Variants in AHCY observed in about 807,000 individuals in gnomAD.
The protein encoded by AHCY is adenosylhomocysteinase, also known as S-adenosyl-L-homocysteine hydrolase.
A neutral mutation model predicts 45.4 loss-of-function variants in AHCY; 24 were observed. The ratio of observed to expected loss-of-function variants is 0.53; its 90% CI spans 0.38 to 0.74. AHCY has a LOEUF of 0.74. AHCY is among the 30% of genes least tolerant of loss of function. AHCY has a pLI of 0.00. For synonymous variants in AHCY, 245 were observed against 235.1 expected, an observed-to-expected ratio of 1.04 and a Z score of -0.39; for missense variants, 449 against 594.1, an observed-to-expected ratio of 0.76 and a Z score of 2.54.
chr20:34,258,674 CAT>C, the AHCY span, among the ~76,000 whole-genome samples: 3 of 12,142 alleles, frequency 2.5e-4, no homozygotes, highest in Non-Finnish European at 2.4e-4. Flanking sequence ...AGGGGGATGC[CAT>C]ATATATATAT....
chr20:34,240,484 G>A, the AHCY span, among the ~76,000 whole-genome samples: 22 of 152,152 alleles, frequency 1.4e-4, no homozygotes, highest in Admixed American at 6.5e-4. Context: ...GAACTGCAGC[G>A]TCATAGTTTT....
At chr20:34,253,006 C>T in the AHCY span, among the ~76,000 whole-genome samples, 1 of 152,202 alleles carries the variant, frequency 6.6e-6, no homozygotes, top group Non-Finnish European at 1.5e-5. Flanking sequence ...AGGTTAACAG[C>T]ATCTCAAAGC....
At chr20:34,259,836 A>G in the AHCY span, among the ~76,000 whole-genome samples, 237 of 152,224 alleles carry the variant, frequency 1.6e-3, 1 homozygote, top group Non-Finnish European at 2.9e-3. Flanking sequence ...GACACAAACT[A>G]TACCTGCATT....
intron 3 of AHCY, chr20:34,293,753 C>T (rs1325124280): frequency 2.5e-6 from 1 of 407,762 alleles, no homozygotes; most frequent in Non-Finnish European, 4.6e-6. Context: ...CTTTTTCTGC[C>T]CCGTAGCCCT....
At chr20:34,299,068 AT>A (rs2036682305) in intron 1 of AHCY, among the ~76,000 whole-genome samples, 1 of 152,084 alleles carries the variant, frequency 6.6e-6, no homozygotes, top group East Asian at 1.9e-4. Flanking sequence ...GTCTCCGCGC[AT>A]TGATGGTAGT....
the AHCY span, among the ~76,000 whole-genome samples, chr20:34,259,884 A>C: frequency 2.0e-5 from 3 of 152,130 alleles, no homozygotes; most frequent in African/African-American, 7.2e-5. Context: ...ATATGAGCCA[A>C]CATATATGCT....
chr20:34,257,040 TTTTC>T, the AHCY span, among the ~76,000 whole-genome samples: 2 of 151,294 alleles, frequency 1.3e-5, no homozygotes, highest in African/African-American at 2.4e-5. Context: ...CTTTCTTTCT[TTTTC>T]TTTCTTTCTC....
Position 34,281,062 on chromosome 20 carries a change from G to C in AHCY, c.1271C>G (p.Pro424Arg). The change falls in exon 10 of 10, where the codon CCC becomes CGC. Residue 424 changes from proline to arginine, a missense_variant. Physicochemically the swap from Pro to Arg is moderately radical, Grantham distance 103. Coordinates refer to ENST00000217426, the MANE Select transcript of AHCY (RefSeq NM_000687.4). ...GTAGCGGTAGTGATCCGGCTTGAAG[G>C]GGCCATCACAGGACATGCCCAGGTA... ...AQYLGMSCDG[P>R]FKPDHYRY The C allele has an allele frequency of 6.2e-7, 1 of 1,614,190 alleles. No homozygotes were observed. The highest frequency in any genetic ancestry group is 8.5e-7 in the Non-Finnish European group (1 of 1,180,032).
the AHCY span, among the ~76,000 whole-genome samples, chr20:34,257,083 G>GT: frequency 4.9e-5 from 4 of 81,674 alleles, no homozygotes; most frequent in Admixed American, 3.6e-4. Context: ...TTTTTTTTTT[G>GT]TTTTTTGTTT....
the AHCY span, among the ~76,000 whole-genome samples, chr20:34,233,260 G>A: frequency 6.8e-6 from 1 of 147,700 alleles, no homozygotes. Context: ...CCATTCTCCT[G>A]CCTCAGCCTC....
the AHCY span, among the ~76,000 whole-genome samples, chr20:34,263,246 CTATT>C: frequency 1.8e-4 from 28 of 152,324 alleles, no homozygotes; most frequent in Admixed American, 1.6e-3. Flanking sequence ...TGAGTTCCAC[CTATT>C]TATTTAACAT....
the AHCY span, among the ~76,000 whole-genome samples, chr20:34,239,675 GA>G: frequency 6.6e-6 from 1 of 152,188 alleles, no homozygotes; most frequent in Non-Finnish European, 1.5e-5. Context: ...AGATCAGAGA[GA>G]AAGTAACAAA....
At chr20:34,305,288 C>A (rs139928143), upstream of AHCY, among the ~76,000 whole-genome samples, 1,270 of 152,146 alleles carry the variant, frequency 8.3e-3, 18 homozygotes, top group African/African-American at 0.029. Flanking sequence ...CGCACCACTG[C>A]ACTCCGGCCT....
At chr20:34,285,824 G>A (rs948926486) in intron 8 of AHCY, among the ~76,000 whole-genome samples, 190 bp from the exon 9 acceptor site, 4 of 152,208 alleles carry the variant, frequency 2.6e-5, no homozygotes, top group African/African-American at 9.7e-5. Flanking sequence ...AGCTGGCCGG[G>A]GCACGGTGGC....
the AHCY span, among the ~76,000 whole-genome samples, chr20:34,238,307 G>A: frequency 2.0e-5 from 3 of 152,078 alleles, no homozygotes; most frequent in Non-Finnish European, 4.4e-5. Context: ...GCTTGATGGT[G>A]TCCCACATGT....
the AHCY span, among the ~76,000 whole-genome samples, chr20:34,238,501 C>T: frequency 6.6e-6 from 1 of 152,170 alleles, no homozygotes; most frequent in South Asian, 2.1e-4. Context: ...AGTTCTTGTA[C>T]TTTCTGGTTT....
chr20:34,280,853 G>C lies in AHCY; in HGVS notation c.*181C>G, dbSNP rs759056638. ...GGCTTGAAGAGGGTACTCTGTTCCC[G>C]CTGCCACATTTGGAACAGTATGACG... is the stretch of plus-strand genomic sequence containing the variant. On this transcript the variant is annotated 3_prime_UTR_variant, in exon 10 of 10. Transcript: ENST00000217426. 1.1e-6 allele frequency: 1 copy of C among 907,120 alleles called. No homozygotes were observed. Among genetic ancestry groups the C allele is most frequent in the African/African-American group, 1.6e-5 (1 of 60,620 alleles). 56.2% of individuals were successfully genotyped at this position (907,120 alleles called of 1,614,324 possible).
At chr20:34,303,500 C>T, upstream of AHCY, 1 of 686,894 alleles carries the variant, frequency 1.5e-6, no homozygotes, top group East Asian at 2.8e-5. Flanking sequence ...AAGGCGTGGC[C>T]CCAGGAGTCT....
chr20:34,310,207 C>T (rs976087016), intron 1 of AHCY, among the ~76,000 whole-genome samples: 3 of 152,140 alleles, frequency 2.0e-5, no homozygotes, highest in African/African-American at 7.2e-5. Context: ...GCGCCTGCCA[C>T]CACGCCCAGC....
Sources: allele counts gnomAD v4.1 joint callset (sites outside exome capture counted in the v4.1 genomes callset), GRCh38; gene constraint gnomAD v4.1.1; transcripts MANE v1.5; gene names NCBI Gene and HGNC (gene_info 2026-07-23, HGNC 2026-07-21).